Variants in SLC31A1 observed in about 807,000 individuals in gnomAD.
The protein encoded by SLC31A1 is solute carrier family 31 member 1, also known as high affinity copper uptake protein 1.
Under a neutral mutation model 17.2 loss-of-function variants are expected in SLC31A1, and 5 were observed. That is an observed-to-expected ratio of 0.29 (90% CI 0.15 to 0.61). SLC31A1 has a LOEUF of 0.61. Ranked by LOEUF, SLC31A1 falls within the 20% of genes least tolerant of loss-of-function variation. The pLI is 0.86. For missense variants in SLC31A1, 161 were observed against 241.4 expected (o/e 0.67, Z 2.21); for synonymous variants, 76 against 78.8 (o/e 0.96, Z 0.19).
Position 113,260,374 on chromosome 9 carries a change from G to A in SLC31A1, c.474G>A (p.Gly158=). The A allele has an allele frequency of 6.2e-7, 1 of 1,614,134 alleles. No individual in the cohort carries two copies. Among genetic ancestry groups the A allele is most frequent in the Non-Finnish European group, 8.5e-7 (1 of 1,180,014 alleles). ...FLMLIFMTYN[G]YLCIAVAAGA... Reference sequence around the variant, plus strand: ...TGCTCATCTTCATGACCTACAACGGGTACCTCTGCATTGCAGTAGCAGCAG... The same window carrying A: ...TGCTCATCTTCATGACCTACAACGGATACCTCTGCATTGCAGTAGCAGCAG... Residue 158 remains glycine (G), a synonymous_variant, in exon 5 of 5, where the codon GGG becomes GGA. Coordinates refer to ENST00000374212, the MANE Select transcript of SLC31A1 (RefSeq NM_001859.4).
At chr9:113,235,013 T>C (rs778492402) in intron 1 of SLC31A1, among the ~76,000 whole-genome samples, 55 of 152,306 alleles carry the variant, frequency 3.6e-4, no homozygotes, top group Non-Finnish European at 7.1e-4. Flanking sequence ...TAAAAACTTC[T>C]GTTCGTTCAT....
intron 1 of SLC31A1, among the ~76,000 whole-genome samples, chr9:113,245,850 T>C (rs745446070): frequency 3.9e-5 from 6 of 152,048 alleles, no homozygotes; most frequent in Non-Finnish European, 4.4e-5. Context: ...CCCAGGCGGG[T>C]CTGAAACTCC....
chr9:113,258,936 C>A lies in SLC31A1; in HGVS notation c.371+74C>A. On this transcript the variant is annotated intron_variant, in intron 4 of 4. Coordinates refer to ENST00000374212, the MANE Select transcript of SLC31A1 (RefSeq NM_001859.4). This position sits in a 1 kb window ranked among gnomAD's most constrained non-coding sequence, Gnocchi z 4.8. ...AAGCAGCAAAGCGCAGCTGTGTGAT[C>A]AGCAGCAGCCCTCTTCTTGAGTTAG... The A allele has an allele frequency of 1.4e-6, 2 of 1,444,636 alleles. No individual in the cohort carries two copies. Among genetic ancestry groups the A allele is most frequent in the Admixed American group, 1.7e-5 (1 of 59,384 alleles). 89.5% of individuals were successfully genotyped at this position (1,444,636 alleles called of 1,614,324 possible). A position where few individuals can be genotyped will look rare whatever the true frequency, so the allele number is the denominator to read the frequency against.
rs563016239 is a variant in SLC31A1 at position 113,258,144 on chromosome 9, C to T, written c.203-550C>T. Among the ~76,000 whole-genome samples the T allele has an allele frequency of 2.0e-5, 3 of 152,230 alleles. No individual in the cohort carries two copies. The highest frequency in any genetic ancestry group is 7.2e-5 in the African/African-American group (3 of 41,528). ...TATGGTATACTTTAAATTTAACTTG[C>T]GCAAACTCAATAGTCAGTTGGACTG... is the stretch of plus-strand genomic sequence containing the variant. On this transcript the variant is annotated intron_variant, in intron 3 of 4. Transcript: ENST00000374212. This position sits in a 1 kb window ranked among gnomAD's most constrained non-coding sequence, Gnocchi z 4.8.
intron 2 of SLC31A1, 190 bp downstream of exon 2, chr9:113,256,467 G>C: frequency 5.1e-5 from 27 of 532,860 alleles, no homozygotes; most frequent in East Asian, 3.3e-5. Context: ...AGTCACACCA[G>C]AACCAAGATT....
intron 1 of SLC31A1, among the ~76,000 whole-genome samples, chr9:113,232,517 C>A (rs1183814633): frequency 6.6e-6 from 1 of 151,916 alleles, no homozygotes; most frequent in African/African-American, 2.4e-5. Flanking sequence ...TTTGCACACC[C>A]CTGCAAGCTC....
chr9:113,263,557 T>G lies in SLC31A1; in HGVS notation c.*3084T>G, dbSNP rs1251498820. On this transcript the variant is annotated 3_prime_UTR_variant, in exon 5 of 5. Transcript: ENST00000374212. ...TGTTGTCCTTTCCCTTTTCTTTCAG[T>G]TTTTTTAATCGCATGTCTAGTATAT... The G allele has an allele frequency of 6.6e-6, 1 of 152,668 alleles. No homozygotes were observed. The highest frequency in any genetic ancestry group is 2.4e-5 in the African/African-American group (1 of 41,448). 9.5% of individuals were successfully genotyped at this position (152,668 alleles called of 1,614,324 possible). A position where few individuals can be genotyped will look rare whatever the true frequency, so the allele number is the denominator to read the frequency against.
chr9:113,241,049 CAAA>C (rs11330445), intron 1 of SLC31A1, among the ~76,000 whole-genome samples: 8 of 94,948 alleles, frequency 8.4e-5, no homozygotes, highest in Non-Finnish European at 1.1e-4. Context: ...GACTCTGTCT[CAAA>C]AAAAAAAAAA....
chr9:113,260,500 C>T lies in SLC31A1; in HGVS notation c.*27C>T, dbSNP rs751182830. ...ATCAAACTCTATGGCGTGGCCTTAT[C>T]GATTGCAGTGGGAAGTTGTTGAAGA... On this transcript the variant is annotated 3_prime_UTR_variant, in exon 5 of 5. Coordinates refer to ENST00000374212, the MANE Select transcript of SLC31A1 (RefSeq NM_001859.4). 6.3e-6 allele frequency: 10 copies of T among 1,586,800 alleles called. 1 individual carries two copies. Among genetic ancestry groups the T allele is most frequent in the Admixed American group, 3.4e-5 (2 of 59,668 alleles).
intron 1 of SLC31A1, among the ~76,000 whole-genome samples, chr9:113,235,138 G>C (rs1360076116): frequency 2.7e-5 from 4 of 147,206 alleles, no homozygotes; most frequent in Admixed American, 1.4e-4. Flanking sequence ...TTGCAAATCA[G>C]TAAGAAAAAG....
intron 1 of SLC31A1, among the ~76,000 whole-genome samples, chr9:113,225,958 A>G (rs1191889684): frequency 6.6e-6 from 1 of 152,010 alleles, no homozygotes; most frequent in Admixed American, 6.6e-5. Context: ...ACATGGTGAA[A>G]CCCCGTGTCT....
rs1324760743 is a variant in SLC31A1 at position 113,263,797 on chromosome 9, C to A, written c.*3324C>A. ...GTGAGGGAGGAACTCCCAGCATCCC[C>A]ATTGCCCACAAATGGAATCCTCACT... On this transcript the variant is annotated 3_prime_UTR_variant, in exon 5 of 5. Coordinates refer to ENST00000374212, the MANE Select transcript of SLC31A1 (RefSeq NM_001859.4). 2 of 152,262 alleles carry A rather than the reference C, an allele frequency of 1.3e-5. No individual in the cohort carries two copies. Among genetic ancestry groups the A allele is most frequent in the Admixed American group, 6.5e-5 (1 of 15,268 alleles). 9.4% of individuals were successfully genotyped at this position (152,262 alleles called of 1,614,324 possible).
chr9:113,255,021 T>A (rs1036634895), intron 1 of SLC31A1, among the ~76,000 whole-genome samples: 2 of 152,242 alleles, frequency 1.3e-5, no homozygotes, highest in Non-Finnish European at 2.9e-5. Flanking sequence ...AGACTTAATT[T>A]AATATAGAGT....
In SLC31A1 at chr9:113,263,760, C is replaced by T. The variant is rs10981708; in HGVS notation, c.*3287C>T. ...CCCAGAGTTACAGAATCTTAGGTGCCGTCTCTAGTCTGTGAGGGAGGAACT... is the reference window on the plus strand; with the variant it reads ...CCCAGAGTTACAGAATCTTAGGTGCTGTCTCTAGTCTGTGAGGGAGGAACT... On this transcript the variant is annotated 3_prime_UTR_variant, in exon 5 of 5. Coordinates refer to ENST00000374212, the MANE Select transcript of SLC31A1 (RefSeq NM_001859.4). The T allele has an allele frequency of 0.17, 26,566 of 152,276 alleles. 2,784 individuals are homozygous for T. The highest frequency in any genetic ancestry group is 0.24 in the Non-Finnish European group (16,282 of 67,926). 9.4% of individuals were successfully genotyped at this position (152,276 alleles called of 1,614,324 possible).
chr9:113,243,507 T>C (rs1218582378), intron 1 of SLC31A1, among the ~76,000 whole-genome samples: 1 of 150,622 alleles, frequency 6.6e-6, no homozygotes, highest in Non-Finnish European at 1.5e-5. Flanking sequence ...ATGAAACTTA[T>C]GATAGAAGGG....
At chr9:113,223,304 T>C in intron 1 of SLC31A1, 1 of 438,540 alleles carries the variant, frequency 2.3e-6, no homozygotes, top group South Asian at 1.6e-5. Context: ...TGCCAGGCTT[T>C]GAACTGCAGG....
chr9:113,256,767 A>G lies in SLC31A1; in HGVS notation c.130-346A>G, dbSNP rs553691657. Among the ~76,000 whole-genome samples, 3 of 152,078 alleles carry G rather than the reference A, an allele frequency of 2.0e-5. No homozygotes were observed. In the South Asian group the frequency reaches 6.2e-4, roughly 32 times the overall value. On this transcript the variant is annotated intron_variant, in intron 2 of 4. Transcript: ENST00000374212. ...TCCCAGCTACTTGGGAGGCTGAGGCAGGAGAATCGCTTGAACCCAGGAGGT... is the reference window on the plus strand; with the variant it reads ...TCCCAGCTACTTGGGAGGCTGAGGCGGGAGAATCGCTTGAACCCAGGAGGT...
intron 1 of SLC31A1, among the ~76,000 whole-genome samples, chr9:113,248,193 G>A (rs1212806009): frequency 1.3e-5 from 2 of 151,928 alleles, no homozygotes; most frequent in African/African-American, 4.8e-5. Flanking sequence ...GTGTGGTGGT[G>A]TGCACCTGTA....
chr9:113,261,477 G>C lies in SLC31A1; in HGVS notation c.*1004G>C, dbSNP rs544808615. The C allele has an allele frequency of 6.6e-6, 1 of 152,542 alleles. No individual in the cohort carries two copies. Among genetic ancestry groups the C allele is most frequent in the Non-Finnish European group, 1.5e-5 (1 of 68,036 alleles). 9.4% of individuals were successfully genotyped at this position (152,542 alleles called of 1,614,324 possible). A position where few individuals can be genotyped will look rare whatever the true frequency, so the allele number is the denominator to read the frequency against. ...TTAACACTTTGATTAGCATGAACTT[G>C]CCAATCAAAAAATGACAATCAATTT... On this transcript the variant is annotated 3_prime_UTR_variant, in exon 5 of 5. Transcript: ENST00000374212.
Sources: allele counts gnomAD v4.1 joint callset (sites outside exome capture counted in the v4.1 genomes callset), GRCh38; gene constraint gnomAD v4.1.1; non-coding constraint Gnocchi (gnomAD v3.1); transcripts MANE v1.5; gene names NCBI Gene and HGNC (gene_info 2026-07-23, HGNC 2026-07-21).